The following ADD3 variants were observed in gnomAD, a reference collection of about 807,000 sequenced individuals.
ADD3 encodes the protein gamma-adducin.
In ADD3, 25 loss-of-function variants were observed where a neutral mutation model predicts 80.2. The observed-to-expected ratio is 0.31, with a 90% CI of 0.23 to 0.44. The LOEUF (loss-of-function observed/expected upper bound fraction) is 0.44. Among genes scored for constraint, ADD3 ranks in the 20% least tolerant of loss-of-function variants. ADD3 has a pLI of 1.00. For missense variants in ADD3, 829 were observed against 847.5 expected, an observed-to-expected ratio of 0.98 and a Z score of 0.27; for synonymous variants, 284 against 289.6, an observed-to-expected ratio of 0.98 and a Z score of 0.20.
At chr10:110,040,741 GGA>G (rs1377405795) in intron 1 of ADD3, among the ~76,000 whole-genome samples, 1 of 152,060 alleles carries the variant, frequency 6.6e-6, no homozygotes, top group Non-Finnish European at 1.5e-5. Context: ...AAGTATGCCA[GGA>G]GAGAGAGAGT....
At position 110,085,387 on chromosome 10, in the gene ADD3, A is replaced by C. The variant is rs372666116; in HGVS notation, c.-29-15238A>C. 3.3e-5 allele frequency among the ~76,000 whole-genome samples: 5 copies of C among 149,860 alleles called. No homozygotes were observed. The East Asian group carries it at 1.1e-3, about 32-fold the overall frequency. ...ATTTGGTGAATACCCAGGGGATTTT[A>C]CTGACTGGAATCCAGGTAAACAGTC... On this transcript the variant is annotated intron_variant, in intron 1 of 14. Transcript: ENST00000356080.
intron 1 of ADD3, among the ~76,000 whole-genome samples, chr10:110,041,356 G>A (rs1183177022): frequency 5.3e-5 from 8 of 152,120 alleles, no homozygotes; most frequent in African/African-American, 1.7e-4. Context: ...GAATACCAAG[G>A]TATAAAATCA....
At chr10:110,008,724 A>G (rs1192603141) in intron 1 of ADD3, among the ~76,000 whole-genome samples, 1 of 152,200 alleles carries the variant, frequency 6.6e-6, no homozygotes, top group Non-Finnish European at 1.5e-5. Flanking sequence ...GCGCTTAGAA[A>G]AGGTGGAGGA....
chr10:110,055,807 G>C (rs1426364465), intron 1 of ADD3, among the ~76,000 whole-genome samples: 1 of 152,184 alleles, frequency 6.6e-6, no homozygotes, highest in Non-Finnish European at 1.5e-5. Context: ...GGATGTAAAA[G>C]TGCATTATAA....
intron 1 of ADD3, among the ~76,000 whole-genome samples, chr10:110,036,643 A>C (rs1004118792): frequency 6.6e-6 from 1 of 151,722 alleles, no homozygotes; most frequent in African/African-American, 2.4e-5. Flanking sequence ...AAGTGCTGGG[A>C]TTACAGGCGT....
chr10:110,055,533 T>G (rs556428513), intron 1 of ADD3, among the ~76,000 whole-genome samples: 281 of 146,902 alleles, frequency 1.9e-3, no homozygotes, highest in Admixed American at 4.7e-3. Flanking sequence ...TATTAATATC[T>G]TATTTTTCCT....
At chr10:110,006,032 G>A, upstream of ADD3, 1 of 241,340 alleles carries the variant, frequency 4.1e-6, no homozygotes, top group Non-Finnish European at 8.4e-6. Flanking sequence ...TGCTGCTGCT[G>A]TTGGTCTGAG....
At chr10:110,076,625 AAT>A (rs1416707308) in intron 1 of ADD3, among the ~76,000 whole-genome samples, 5 of 152,196 alleles carry the variant, frequency 3.3e-5, no homozygotes, top group Non-Finnish European at 7.3e-5. Context: ...AGGCTGAAGT[AAT>A]GTTTTAGAAT....
At chr10:110,016,486 T>TA (rs758044816) in intron 1 of ADD3, 3 of 152,142 alleles carry the variant, frequency 2.0e-5, no homozygotes, top group Non-Finnish European at 2.9e-5. Flanking sequence ...AATTAAGTGG[T>TA]AAAGAAAATT....
At chr10:110,095,805 C>T (rs1244773278) in intron 1 of ADD3, among the ~76,000 whole-genome samples, 2 of 152,186 alleles carry the variant, frequency 1.3e-5, no homozygotes, top group Admixed American at 6.5e-5. Flanking sequence ...ATTGATATGA[C>T]AGCCTCCACA....
upstream of ADD3, among the ~76,000 whole-genome samples, chr10:110,000,966 A>G (rs1022609984): frequency 1.3e-5 from 2 of 152,238 alleles, no homozygotes; most frequent in Non-Finnish European, 2.9e-5. Flanking sequence ...TAAGAACACT[A>G]GACAAGAATA....
In ADD3 at chr10:110,043,796, A is replaced by G. The variant is rs1306710206; in HGVS notation, c.-30+35497A>G. Among the ~76,000 whole-genome samples, 5 of 152,240 alleles carry G rather than the reference A, an allele frequency of 3.3e-5. No individual in the cohort carries two copies. In the East Asian group the frequency reaches 9.6e-4, roughly 29 times the overall value. ...GGAATATCTAGTCAATGGAGAAGAT[A>G]CACTGTGTGGTTAAATAACTACAGT... On this transcript the variant is annotated intron_variant, in intron 1 of 14. Coordinates refer to ENST00000356080, the MANE Select transcript of ADD3 (RefSeq NM_016824.5).
intron 1 of ADD3, among the ~76,000 whole-genome samples, chr10:110,066,902 T>C (rs1844026037): frequency 6.6e-6 from 1 of 152,232 alleles, no homozygotes; most frequent in South Asian, 2.1e-4. Context: ...GAGAGGTTTG[T>C]ATATTTAGAT....
chr10:110,011,991 C>T (rs1013308882), intron 1 of ADD3, among the ~76,000 whole-genome samples: 5 of 152,194 alleles, frequency 3.3e-5, no homozygotes, highest in Non-Finnish European at 7.3e-5. Flanking sequence ...GGTTAGAAGT[C>T]TTTCATTGGC....
At chr10:110,087,558 C>T (rs1846943763) in intron 1 of ADD3, among the ~76,000 whole-genome samples, 1 of 152,020 alleles carries the variant, frequency 6.6e-6, no homozygotes, top group Non-Finnish European at 1.5e-5. Flanking sequence ...TTTAGATTTC[C>T]TTGGAAACAC....
Position 110,009,895 on chromosome 10 carries a change from A to G in ADD3, c.-30+1596A>G, listed in dbSNP as rs533930828. On this transcript the variant is annotated intron_variant, in intron 1 of 14. Coordinates refer to ENST00000356080, the MANE Select transcript of ADD3 (RefSeq NM_016824.5). Reference sequence around the variant, plus strand: ...CAATGTATTGCTACATTTTACATATATGATATCAGGAAATGTTTGGTGAAC... The same window carrying G: ...CAATGTATTGCTACATTTTACATATGTGATATCAGGAAATGTTTGGTGAAC... Among the ~76,000 whole-genome samples, 3 of 152,346 alleles carry G rather than the reference A, an allele frequency of 2.0e-5. No individual in the cohort carries two copies. In the South Asian group the frequency reaches 6.2e-4, roughly 32 times the overall value.
chr10:110,031,059 T>G (rs192753818), intron 1 of ADD3, among the ~76,000 whole-genome samples: 1 of 152,264 alleles, frequency 6.6e-6, no homozygotes, highest in East Asian at 1.9e-4. Context: ...GTGGATCACC[T>G]GAGGTCGGGA....
chr10:110,091,988 C>G (rs867537441), intron 1 of ADD3, among the ~76,000 whole-genome samples: 4 of 152,178 alleles, frequency 2.6e-5, no homozygotes, highest in South Asian at 2.1e-4. Flanking sequence ...TGGAAAAATG[C>G]TCAACATCAC....
In ADD3 at chr10:110,030,661, G is replaced by A. The variant is rs536710599; in HGVS notation, c.-30+22362G>A. Among the ~76,000 whole-genome samples, 105 of 151,604 alleles carry A rather than the reference G, an allele frequency of 6.9e-4. 2 individuals are homozygous for A. Among genetic ancestry groups the A allele is most frequent in the Non-Finnish European group, 1.4e-3 (92 of 67,874 alleles). Reference sequence around the variant, plus strand: ...CACTAGCTGTGTGTGGCTGTTTATCGCTTGAAATGTGGCTAGTCCTAATTG... The same window carrying A: ...CACTAGCTGTGTGTGGCTGTTTATCACTTGAAATGTGGCTAGTCCTAATTG... On this transcript the variant is annotated intron_variant, in intron 1 of 14. Transcript: ENST00000356080.
Sources: gnomAD v4.1 joint callset for allele counts (sites outside exome capture counted in the v4.1 genomes callset) on GRCh38, gnomAD v4.1.1 for gene constraint, MANE v1.5 for transcripts, NCBI Gene and HGNC (gene_info 2026-07-23, HGNC 2026-07-21) for gene names.